Variants in ARNT2 observed in about 807,000 individuals in gnomAD.
ARNT2 encodes ARNT protein 2.
In ARNT2, 36 loss-of-function variants were observed where a neutral mutation model predicts 91.7. That is an observed-to-expected ratio of 0.39 (90% CI 0.30 to 0.52). The LOEUF is 0.52. Among genes scored for constraint, ARNT2 ranks in the 20% least tolerant of loss-of-function variants. The pLI, the probability that ARNT2 is intolerant of heterozygous loss-of-function variation, is 0.72. For synonymous variants in ARNT2, 365 were observed against 347.1 expected, an observed-to-expected ratio of 1.05 and a Z score of -0.57; for missense variants, 775 against 939.3, an observed-to-expected ratio of 0.83 and a Z score of 2.29.
chr15:80,491,965 A>G (rs1187692925), intron 5 of ARNT2, among the ~76,000 whole-genome samples: 1 of 150,970 alleles, frequency 6.6e-6, no homozygotes, highest in Non-Finnish European at 1.5e-5. Context: ...TTGCACACCA[A>G]TTATATCTAC....
intron 8 of ARNT2, among the ~76,000 whole-genome samples, chr15:80,541,474 C>A (rs1011277671): frequency 6.6e-6 from 1 of 152,102 alleles, no homozygotes; most frequent in East Asian, 1.9e-4. Flanking sequence ...ATTTGCTTTG[C>A]AGAAACTCTT....
chr15:80,551,404 C>T (rs1898078203), intron 9 of ARNT2, 129 bp downstream of exon 9: 1 of 848,466 alleles, frequency 1.2e-6, no homozygotes. Context: ...TCGTGTCTCA[C>T]TCTGTGGGAC....
At chr15:80,422,794 C>A (rs890659757) in intron 1 of ARNT2, among the ~76,000 whole-genome samples, 3 of 151,968 alleles carry the variant, frequency 2.0e-5, no homozygotes, top group Non-Finnish European at 4.4e-5. Flanking sequence ...ATACAACCAC[C>A]AACATGTGAT....
intron 1 of ARNT2, among the ~76,000 whole-genome samples, chr15:80,450,437 C>T (rs1022183182): frequency 5.3e-5 from 8 of 152,120 alleles, no homozygotes; most frequent in African/African-American, 9.7e-5. Flanking sequence ...CCTAGGGCAA[C>T]GGAGGGGCAG....
At chr15:80,427,341 G>A (rs560271264) in intron 1 of ARNT2, among the ~76,000 whole-genome samples, 10 of 152,170 alleles carry the variant, frequency 6.6e-5, no homozygotes, top group South Asian at 2.1e-4. Context: ...TTGTTTCTTC[G>A]TTCACAGTTT....
chr15:80,533,429 A>C (rs1897772349), intron 8 of ARNT2, among the ~76,000 whole-genome samples: 1 of 152,184 alleles, frequency 6.6e-6, no homozygotes, highest in Non-Finnish European at 1.5e-5. Flanking sequence ...AACGGTCAAC[A>C]CAAGCCAGCC....
chr15:80,544,321 G>T (rs74773686), intron 8 of ARNT2, among the ~76,000 whole-genome samples: 9 of 152,188 alleles, frequency 5.9e-5, no homozygotes, highest in Non-Finnish European at 1.2e-4. Context: ...TAAGTTGCTG[G>T]CTTGAAAACT....
intron 5 of ARNT2, among the ~76,000 whole-genome samples, chr15:80,505,924 G>GTTTTTTTTT (rs1486880107): frequency 1.3e-4 from 9 of 71,192 alleles, no homozygotes; most frequent in African/African-American, 5.9e-4. Context: ...CCCAACATTT[G>GTTTTTTTTT]TTGTTTTTTT....
chr15:80,505,924 GTTGTTTTTTT>G (rs1236192070), intron 5 of ARNT2, among the ~76,000 whole-genome samples: 3 of 71,188 alleles, frequency 4.2e-5, no homozygotes, highest in Admixed American at 1.3e-4. Flanking sequence ...CCCAACATTT[GTTGTTTTTTT>G]TTTTTTTTTT....
At position 80,584,719 on chromosome 15, in the gene ARNT2, C is replaced by G. The variant is rs769915789; in HGVS notation, c.1918+3315C>G. Among the ~76,000 whole-genome samples, 12 of 152,374 alleles carry G rather than the reference C, an allele frequency of 7.9e-5. No individual in the cohort carries two copies. In the Middle Eastern group the frequency reaches 0.01, roughly 130 times the overall value. Reference sequence around the variant, plus strand: ...GCTTCCCAGTGCCCTCTGTGCAGCCCTGGGGCCTATTGGTGTGGCACTGAT... The same window carrying G: ...GCTTCCCAGTGCCCTCTGTGCAGCCGTGGGGCCTATTGGTGTGGCACTGAT... On this transcript the variant is annotated intron_variant, in intron 17 of 18. Transcript: ENST00000303329.
At chr15:80,458,079 G>A in intron 3 of ARNT2, 103 bp downstream of exon 3, 8 of 1,285,804 alleles carry the variant, frequency 6.2e-6, no homozygotes, top group Non-Finnish European at 7.7e-6. Context: ...AAAAGCCATT[G>A]CCTGCAGTTT....
intron 5 of ARNT2, among the ~76,000 whole-genome samples, chr15:80,492,496 A>G (rs78800860): frequency 0.019 from 2,966 of 152,284 alleles, 85 homozygotes; most frequent in African/African-American, 0.067. Flanking sequence ...TGGTTTCAGA[A>G]GGGAAGGTCA....
intron 8 of ARNT2, among the ~76,000 whole-genome samples, chr15:80,519,538 CTT>C (rs1350699587): frequency 6.6e-6 from 1 of 152,126 alleles, no homozygotes; most frequent in Non-Finnish European, 1.5e-5. Flanking sequence ...AGAAGGATGT[CTT>C]TGAGTTCTGT....
chr15:80,537,452 G>T (rs928968336), intron 8 of ARNT2, among the ~76,000 whole-genome samples: 2 of 151,912 alleles, frequency 1.3e-5, no homozygotes, highest in African/African-American at 4.8e-5. Flanking sequence ...ATTATTGAGA[G>T]AATTTATACA....
chr15:80,461,083 C>T (rs567351173), intron 3 of ARNT2, among the ~76,000 whole-genome samples: 1 of 152,232 alleles, frequency 6.6e-6, no homozygotes, highest in South Asian at 2.1e-4. Flanking sequence ...TGCTATTGTG[C>T]CTGAGAGCGA....
At chr15:80,579,527 A>G (rs1307584298) in intron 15 of ARNT2, among the ~76,000 whole-genome samples, 1 of 152,070 alleles carries the variant, frequency 6.6e-6, no homozygotes, top group African/African-American at 2.4e-5. Flanking sequence ...GGAGCTGAAA[A>G]TCTACCAAAG....
intron 3 of ARNT2, among the ~76,000 whole-genome samples, chr15:80,460,978 G>A (rs772945942): frequency 2.6e-5 from 4 of 152,192 alleles, no homozygotes; most frequent in South Asian, 4.1e-4. Flanking sequence ...GTGCGAGGCT[G>A]TGGGTGCATC....
intron 9 of ARNT2, 113 bp downstream of exon 9, chr15:80,551,388 T>G: frequency 1.0e-6 from 1 of 998,652 alleles, no homozygotes; most frequent in Non-Finnish European, 1.5e-6. Context: ...TGGTATTTGT[T>G]GGGTTTCGTG....
In ARNT2 at chr15:80,574,214, A is replaced by G. The variant is rs767641376; in HGVS notation, c.1383A>G (p.Leu461=). The G allele has an allele frequency of 2.5e-6, 4 of 1,614,056 alleles. No homozygotes were observed. The Admixed American group carries it at 6.7e-5, about 27-fold the overall frequency. The part of the protein sequence containing the change: ...HQRDGLSSYD[L]SQVPVPNLPA... ...GAGATGGATTGTCATCGTATGACTT[A>G]TCCCAGGTGAGTTTCTGGAAAACCC... The change falls in exon 13 of 19, where the codon TTA becomes TTG. Residue 461 remains leucine, a synonymous_variant. Coordinates refer to ENST00000303329, the MANE Select transcript of ARNT2 (RefSeq NM_014862.4).
Sources: allele counts gnomAD v4.1 joint callset (sites outside exome capture counted in the v4.1 genomes callset), GRCh38; gene constraint gnomAD v4.1.1; transcripts MANE v1.5; gene names NCBI Gene and HGNC (gene_info 2026-07-23, HGNC 2026-07-21).